The following PUM1 variants were observed in gnomAD, a reference collection of about 807,000 sequenced individuals.
The protein encoded by PUM1 is pumilio homolog 1.
Under a neutral mutation model 131.8 loss-of-function variants are expected in PUM1, and 13 were observed. The ratio of observed to expected loss-of-function variants is 0.10; its 90% CI spans 0.06 to 0.16. PUM1 has a LOEUF of 0.16. PUM1 is among the 10% of genes least tolerant of loss of function. The pLI is 1.00. For missense variants in PUM1, 961 were observed against 1,512.4 expected (o/e 0.64, Z 6.05); for synonymous variants, 509 against 556.5 (o/e 0.91, Z 1.20).
chr1:30,986,757 T>C (rs1553148504), intron 7 of PUM1, among the ~76,000 whole-genome samples: 1 of 152,202 alleles, frequency 6.6e-6, no homozygotes, highest in Non-Finnish European at 1.5e-5. Flanking sequence ...CTTCAACTGA[T>C]CAATTACTAG....
At chr1:31,051,880 AAC>A (rs1450380734) in intron 2 of PUM1, among the ~76,000 whole-genome samples, 10 of 152,334 alleles carry the variant, frequency 6.6e-5, no homozygotes, top group Admixed American at 2.0e-4. Context: ...TTACAGAGAA[AAC>A]AGATTTCACA....
chr1:30,961,447 C>T (rs1640403872), intron 14 of PUM1, among the ~76,000 whole-genome samples: 1 of 151,806 alleles, frequency 6.6e-6, no homozygotes, highest in Non-Finnish European at 1.5e-5. Context: ...TCCTTTGAGC[C>T]CAGGAGTTTG....
chr1:30,966,242 G>C lies in PUM1; in HGVS notation c.1826C>G (p.Ala609Gly). Reference sequence around the variant, plus strand: ...ATTTGTTGTTCCAGCAAGACCACCAGCTGCTCCATTTGCTGAAGCTGCGGC... The same window carrying C: ...ATTTGTTGTTCCAGCAAGACCACCACCTGCTCCATTTGCTGAAGCTGCGGC... ...AAAAASANGA[A>G]GGLAGTTNGP... The change falls in exon 13 of 22, where the codon GCT becomes GGT. Residue 609 changes from alanine (A) to glycine (G), a missense_variant. Around this residue, in one of 4 missense-constraint regions of PUM1, gnomAD observed 654 missense variants for 923.9 expected, o/e 0.71. Coordinates refer to ENST00000426105, the MANE Select transcript of PUM1 (RefSeq NM_001020658.2). The C allele has an allele frequency of 6.2e-7, 1 of 1,608,584 alleles. No homozygotes were observed. The highest frequency in any genetic ancestry group is 1.1e-5 in the South Asian group (1 of 90,786).
Position 31,037,736 on chromosome 1 carries a change from T to A in PUM1, c.364-8872A>T, listed in dbSNP as rs79220736. ...AAAGAAAGAAGGAATATAAGATTAT[T>A]CAGGATTTAAAATAAAAATTGGCAT... is the stretch of plus-strand genomic sequence containing the variant. On this transcript the variant is annotated intron_variant, in intron 2 of 21. Coordinates refer to ENST00000426105, the MANE Select transcript of PUM1 (RefSeq NM_001020658.2). Among the ~76,000 whole-genome samples the A allele has an allele frequency of 3.3e-5, 5 of 150,998 alleles. No individual in the cohort carries two copies. The East Asian group carries it at 9.9e-4, about 30-fold the overall frequency.
At chr1:30,957,079 G>C (rs1640195623) in intron 14 of PUM1, among the ~76,000 whole-genome samples, 1 of 76,150 alleles carries the variant, frequency 1.3e-5, no homozygotes, top group Non-Finnish European at 2.5e-5. Flanking sequence ...ATACTACAAG[G>C]ACATTCATAC....
intron 17 of PUM1, among the ~76,000 whole-genome samples, chr1:30,946,747 T>C (rs1178785017): frequency 6.6e-6 from 1 of 151,732 alleles, no homozygotes; most frequent in African/African-American, 2.4e-5. Context: ...AGGGGCTATT[T>C]GCACACTGTA....
intron 19 of PUM1, 61 bp downstream of exon 19, chr1:30,941,937 A>G (rs1277602150): frequency 1.4e-6 from 2 of 1,427,958 alleles, no homozygotes; most frequent in Non-Finnish European, 9.5e-7. Flanking sequence ...CAAAACACAC[A>G]AACTCTGGCC....
chr1:30,946,507 C>A (rs1398613103), intron 17 of PUM1, among the ~76,000 whole-genome samples: 1 of 151,340 alleles, frequency 6.6e-6, no homozygotes, highest in Non-Finnish European at 1.5e-5. Flanking sequence ...CATGGTGGTG[C>A]GCGCCTGTAA....
intron 10 of PUM1, among the ~76,000 whole-genome samples, chr1:30,969,319 A>C (rs868325301): frequency 2.8e-4 from 40 of 141,788 alleles, no homozygotes; most frequent in African/African-American, 9.2e-4. Context: ...ACACACACAA[A>C]AAAAAAAAAA....
intron 2 of PUM1, among the ~76,000 whole-genome samples, chr1:31,034,314 G>A (rs145237928): frequency 1.3e-5 from 2 of 152,162 alleles, no homozygotes; most frequent in Non-Finnish European, 2.9e-5. Flanking sequence ...GAGTATCACT[G>A]AGTTGGGGAG....
chr1:30,992,347 G>A (rs980284735), intron 7 of PUM1, 43 bp downstream of exon 7: 3 of 1,589,342 alleles, frequency 1.9e-6, no homozygotes, highest in Non-Finnish European at 2.6e-6. Context: ...CAACGTGCTG[G>A]CTGGAGGGAG....
chr1:31,053,869 T>C (rs1020254480), intron 2 of PUM1, among the ~76,000 whole-genome samples: 1 of 151,792 alleles, frequency 6.6e-6, no homozygotes, highest in African/African-American at 2.4e-5. Context: ...CCGAGGCAGG[T>C]GGATCACCTG....
At chr1:31,024,857 C>A (rs745353529) in intron 3 of PUM1, among the ~76,000 whole-genome samples, 6 of 152,160 alleles carry the variant, frequency 3.9e-5, no homozygotes, top group African/African-American at 7.2e-5. Flanking sequence ...ATAAACCAAA[C>A]CAATTTAGAA....
At position 30,941,049 on chromosome 1, in the gene PUM1, AAAC is replaced by A. The variant is rs3838989; in HGVS notation, c.3242+99_3242+101del. On this transcript the variant is annotated intron_variant, in intron 20 of 21. Coordinates refer to ENST00000426105, the MANE Select transcript of PUM1 (RefSeq NM_001020658.2). ...GACTTTTAAGCTATATATACTTTGA[AAAC>A]AACAACAACAACAACAACATTAAAA... is the stretch of plus-strand genomic sequence containing the variant. The A allele has an allele frequency of 1.5e-3, 1,952 of 1,341,236 alleles. 3 individuals carry two copies. The highest frequency in any genetic ancestry group is 1.3e-3 in the Non-Finnish European group (1,269 of 992,104). 83.1% of individuals were successfully genotyped at this position (1,341,236 alleles called of 1,614,324 possible).
chr1:30,996,047 G>C (rs540595831), intron 5 of PUM1, among the ~76,000 whole-genome samples: 1 of 152,296 alleles, frequency 6.6e-6, no homozygotes, highest in South Asian at 2.1e-4. Context: ...GACATCCCAA[G>C]TTAAGCCCTG....
intron 10 of PUM1, among the ~76,000 whole-genome samples, chr1:30,969,265 C>T (rs543211503): frequency 6.9e-6 from 1 of 145,422 alleles, no homozygotes; most frequent in Admixed American, 7.0e-5. Context: ...GATCGAGACA[C>T]TTCGCTCCAG....
chr1:31,065,304 G>A (rs1644459005), intron 1 of PUM1, among the ~76,000 whole-genome samples: 2 of 152,138 alleles, frequency 1.3e-5, no homozygotes, highest in Admixed American at 6.6e-5. Context: ...TCAATCTTCG[G>A]TGGTTCCCAA....
chr1:31,054,714 T>C (rs1340126524), intron 2 of PUM1, among the ~76,000 whole-genome samples: 1 of 152,160 alleles, frequency 6.6e-6, no homozygotes, highest in East Asian at 1.9e-4. Context: ...ATTACTGCTT[T>C]TGGGAGTTGG....
intron 2 of PUM1, among the ~76,000 whole-genome samples, chr1:31,034,165 G>A (rs1479633161): frequency 5.9e-5 from 9 of 152,154 alleles, no homozygotes; most frequent in Non-Finnish European, 1.3e-4. Context: ...CTAGCATTCT[G>A]GTTCAGTTCT....
Sources: gnomAD v4.1 joint callset for allele counts (sites outside exome capture counted in the v4.1 genomes callset) on GRCh38, gnomAD v4.1.1 for gene constraint, gnomAD v4.1.1 regional missense constraint, MANE v1.5 for transcripts, NCBI Gene and HGNC (gene_info 2026-07-23, HGNC 2026-07-21) for gene names.